DAB1: variants seen among roughly 807,000 people sequenced by gnomAD.
DAB1 encodes DAB adaptor protein 1.
DAB1 carries 15 observed loss-of-function variants against 64.6 expected under a neutral mutation model. The ratio of observed to expected loss-of-function variants is 0.23; its 90% CI spans 0.16 to 0.36. The LOEUF is 0.36. Among genes scored for constraint, DAB1 ranks in the 10% least tolerant of loss-of-function variants. The pLI is 1.00. For missense variants in DAB1, 596 were observed against 706.7 expected (o/e 0.84, Z 1.78); for synonymous variants, 235 against 251.9 (o/e 0.93, Z 0.64).
intron 2 of DAB1, among the ~76,000 whole-genome samples, chr1:57,178,273 G>A (rs1662544024): frequency 6.7e-6 from 1 of 148,516 alleles, no homozygotes. Context: ...CTCCATAATT[G>A]CAAGCTTATG....
intron 2 of DAB1, among the ~76,000 whole-genome samples, chr1:57,182,882 A>G (rs186369684): frequency 7.2e-4 from 109 of 152,304 alleles, no homozygotes; most frequent in Non-Finnish European, 1.1e-3. Context: ...ACACTAGTAC[A>G]TATGGCTATT....
chr1:57,234,803 GTAGGACTGAGCTA>G (rs1224253869), intron 2 of DAB1, among the ~76,000 whole-genome samples: 4 of 152,230 alleles, frequency 2.6e-5, no homozygotes, highest in African/African-American at 4.8e-5. Context: ...TCTTGTAGCT[GTAGGACTGAGCTA>G]TAGGACTGAG....
intron 5 of DAB1, among the ~76,000 whole-genome samples, chr1:58,094,168 C>A (rs1348822161): frequency 6.6e-6 from 1 of 152,176 alleles, no homozygotes; most frequent in African/African-American, 2.4e-5. Flanking sequence ...AGTGACACCA[C>A]CCCATTGCTC....
chr1:58,252,480 T>C (rs1280602495), intron 4 of DAB1, among the ~76,000 whole-genome samples: 4 of 152,284 alleles, frequency 2.6e-5, no homozygotes, highest in African/African-American at 9.6e-5. Flanking sequence ...CAGAGCTGTT[T>C]GGGGATGTGT....
intron 2 of DAB1, among the ~76,000 whole-genome samples, chr1:57,170,866 C>T (rs144167442): frequency 1.3e-5 from 2 of 152,264 alleles, no homozygotes; most frequent in Admixed American, 6.5e-5. Context: ...AGGTGTGAGG[C>T]TTTTGATACT....
intron 4 of DAB1, among the ~76,000 whole-genome samples, chr1:57,113,671 A>G (rs947620465): frequency 1.3e-5 from 2 of 152,216 alleles, no homozygotes; most frequent in Non-Finnish European, 2.9e-5. Context: ...TTTTTCAACC[A>G]TTAAAAAATG....
At chr1:57,963,711 A>G (rs1645582916) in intron 5 of DAB1, among the ~76,000 whole-genome samples, 1 of 152,106 alleles carries the variant, frequency 6.6e-6, no homozygotes, top group Non-Finnish European at 1.5e-5. Context: ...TTTCCCCAGT[A>G]ATCATCCCCT....
At chr1:57,763,845 T>C (rs923953024) in intron 6 of DAB1, among the ~76,000 whole-genome samples, 3 of 152,156 alleles carry the variant, frequency 2.0e-5, no homozygotes, top group Admixed American at 6.5e-5. Context: ...TTGACTTTCA[T>C]GTAACTTCTT....
chr1:58,137,629 G>C (rs1277969682), intron 5 of DAB1, among the ~76,000 whole-genome samples: 1 of 151,858 alleles, frequency 6.6e-6, no homozygotes, highest in African/African-American at 2.4e-5. Context: ...TTCAACCATT[G>C]ATTCATCCTT....
At chr1:57,759,871 A>G (rs12723121) in intron 6 of DAB1, among the ~76,000 whole-genome samples, 1 of 152,172 alleles carries the variant, frequency 6.6e-6, no homozygotes, top group African/African-American at 2.4e-5. Context: ...TAACAATTAT[A>G]GAGGGGAAAT....
rs1570179947 is a variant in DAB1 at position 57,290,948 on chromosome 1, T to C, written c.67+16A>G. ...CAGAAAAGTAGCCATTAAAAAAAGG[T>C]CAAATTCAGCCCTACCTTTCTTTCT... On this transcript the variant is annotated intron_variant, in intron 2 of 14. Transcript: ENST00000371236. 6.2e-7 allele frequency: 1 copy of C among 1,601,960 alleles called. No homozygotes were observed. Among genetic ancestry groups the C allele is most frequent in the East Asian group, 2.2e-5 (1 of 44,596 alleles).
chr1:57,234,602 G>A (rs1384826677), intron 2 of DAB1, among the ~76,000 whole-genome samples: 1 of 152,144 alleles, frequency 6.6e-6, no homozygotes, highest in Non-Finnish European at 1.5e-5. Flanking sequence ...AGTCACCACA[G>A]ATTTGGTAGT....
At chr1:57,190,016 C>T (rs1336064479) in intron 2 of DAB1, among the ~76,000 whole-genome samples, 2 of 152,102 alleles carry the variant, frequency 1.3e-5, no homozygotes, top group African/African-American at 4.8e-5. Flanking sequence ...ATGTTTGTCC[C>T]AGCTCAATAT....
chr1:57,354,006 A>C (rs1188788802), intron 1 of DAB1, among the ~76,000 whole-genome samples: 1 of 152,140 alleles, frequency 6.6e-6, no homozygotes, highest in Non-Finnish European at 1.5e-5. Flanking sequence ...TTTGAAAGGA[A>C]TTCTCCTTCA....
At chr1:58,366,875 A>C (rs1644222742) in intron 3 of DAB1, among the ~76,000 whole-genome samples, 3 of 152,198 alleles carry the variant, frequency 2.0e-5, no homozygotes, top group Non-Finnish European at 4.4e-5. Flanking sequence ...CCTTCTGGGG[A>C]ACCAAAACTA....
Position 57,214,851 on chromosome 1 carries a change from T to C in DAB1, c.68-69422A>G, listed in dbSNP as rs1391202266. Among the ~76,000 whole-genome samples, 3 of 136,420 alleles carry C rather than the reference T, an allele frequency of 2.2e-5. No individual in the cohort carries two copies. The Admixed American group carries it at 2.5e-4, about 11-fold the overall frequency. 89.5% of individuals were successfully genotyped at this position (136,420 alleles called of 152,430 possible). On this transcript the variant is annotated intron_variant, in intron 2 of 14. Coordinates refer to ENST00000371236, the MANE Select transcript of DAB1 (RefSeq NM_001365792.1). ...GCGTGAACCCAGGAGGTGGAGCTTGTCGTGAGCTGAGATCACGCCACTGCA... is the reference window on the plus strand; with the variant it reads ...GCGTGAACCCAGGAGGTGGAGCTTGCCGTGAGCTGAGATCACGCCACTGCA...
intron 7 of DAB1, among the ~76,000 whole-genome samples, chr1:57,645,910 A>G (rs1646186906): frequency 1.3e-5 from 2 of 152,204 alleles, no homozygotes; most frequent in Admixed American, 6.5e-5. Flanking sequence ...AGAATCTCCT[A>G]CTTTCTTTCA....
chr1:58,396,320 G>A (rs1236721130), intron 3 of DAB1, among the ~76,000 whole-genome samples: 1 of 152,004 alleles, frequency 6.6e-6, no homozygotes, highest in African/African-American at 2.4e-5. Context: ...TGTTCCTATC[G>A]ATTACCCACC....
At chr1:57,169,449 C>T (rs113472851) in intron 2 of DAB1, among the ~76,000 whole-genome samples, 24 of 152,292 alleles carry the variant, frequency 1.6e-4, no homozygotes, top group African/African-American at 5.5e-4. Flanking sequence ...AGAGACTTGA[C>T]CAAGGTTACA....
Sources: allele counts gnomAD v4.1 joint callset (sites outside exome capture counted in the v4.1 genomes callset), GRCh38; gene constraint gnomAD v4.1.1; transcripts MANE v1.5; gene names NCBI Gene and HGNC (gene_info 2026-07-23, HGNC 2026-07-21).